RNF11: variants seen among roughly 807,000 people sequenced by gnomAD.
The protein encoded by RNF11 is ring finger protein 11.
Under a neutral mutation model 15.8 loss-of-function variants are expected in RNF11, and 4 were observed. The ratio of observed to expected loss-of-function variants is 0.25; its 90% confidence interval spans 0.12 to 0.58. The LOEUF (loss-of-function observed/expected upper bound fraction) is 0.58. Ranked by LOEUF, RNF11 falls within the 20% of genes least tolerant of loss-of-function variation. The pLI is 0.91. For missense variants in RNF11, 139 were observed against 194.4 expected (o/e 0.71, Z 1.70); for synonymous variants, 68 against 72.3 (o/e 0.94, Z 0.30).
At chr1:51,261,025 A>G (rs139904237) in intron 1 of RNF11, among the ~76,000 whole-genome samples, 2 of 152,272 alleles carry the variant, frequency 1.3e-5, no homozygotes, top group African/African-American at 4.8e-5. Context: ...TGTTGATGTA[A>G]GCTTATCATT....
At chr1:51,238,700 T>A (rs1234860581) in intron 1 of RNF11, among the ~76,000 whole-genome samples, 1 of 152,156 alleles carries the variant, frequency 6.6e-6, no homozygotes, top group Non-Finnish European at 1.5e-5. Flanking sequence ...TTCCCTCCTA[T>A]GTTTACTATA....
intron 1 of RNF11, among the ~76,000 whole-genome samples, chr1:51,255,427 T>C (rs1321278038): frequency 6.6e-6 from 1 of 152,164 alleles, no homozygotes; most frequent in East Asian, 1.9e-4. Context: ...ACCTGGCTAA[T>C]TTTTGTCTTT....
chr1:51,266,312 T>C (rs1482691392), intron 1 of RNF11, among the ~76,000 whole-genome samples: 1 of 152,204 alleles, frequency 6.6e-6, no homozygotes, highest in Admixed American at 6.5e-5. Context: ...ACAACCCAGG[T>C]ATTTTCACTT....
intron 1 of RNF11, among the ~76,000 whole-genome samples, chr1:51,252,930 G>A (rs1018087364): frequency 6.6e-6 from 1 of 151,510 alleles, no homozygotes; most frequent in Admixed American, 6.6e-5. Context: ...AGGTTCAAGC[G>A]ATTCTCCTGC....
chr1:51,251,335 C>T (rs573552065), intron 1 of RNF11: 26 of 1,517,368 alleles, frequency 1.7e-5, no homozygotes, highest in Middle Eastern at 2.3e-4. Flanking sequence ...CCGCGAGCTC[C>T]GCGGCCTCGG....
chr1:51,249,490 C>G (rs528008043), intron 1 of RNF11, among the ~76,000 whole-genome samples: 1 of 152,162 alleles, frequency 6.6e-6, no homozygotes, highest in African/African-American at 2.4e-5. Context: ...CCTCCTGCCC[C>G]CTCCAACAGT....
chr1:51,269,928 C>A, intron 1 of RNF11, 28 bp from the exon 2 acceptor site: 2 of 1,587,148 alleles, frequency 1.3e-6, no homozygotes, highest in Non-Finnish European at 1.7e-6. Context: ...AAAAAATAAT[C>A]TTTTTCCTCT....
chr1:51,243,604 A>G (rs1308238103), intron 1 of RNF11, among the ~76,000 whole-genome samples: 1 of 151,936 alleles, frequency 6.6e-6, no homozygotes, highest in Admixed American at 6.6e-5. Context: ...ACACCCAGCT[A>G]ATTTTTGTAT....
intron 1 of RNF11, among the ~76,000 whole-genome samples, chr1:51,264,214 T>G (rs1646942573): frequency 7.4e-6 from 1 of 135,274 alleles, no homozygotes; most frequent in Admixed American, 8.2e-5. Context: ...GAGCCAAGAT[T>G]GTGCCACTGC....
chr1:51,263,972 G>A (rs1167841048), intron 1 of RNF11, among the ~76,000 whole-genome samples: 1 of 151,998 alleles, frequency 6.6e-6, no homozygotes, highest in East Asian at 1.9e-4. Flanking sequence ...TGCTTTTTAA[G>A]GCTAGGCTTG....
In RNF11 at chr1:51,271,336, A is replaced by G. The variant is rs756661289; in HGVS notation, c.*14A>G. ...GAGACTAATTGAGCCAGGGTCTCTT[A>G]TCTGACTTCAAGTGAACCACCATTT... On this transcript the variant is annotated 3_prime_UTR_variant, in exon 3 of 3. Transcript: ENST00000242719. 7 of 1,600,412 alleles carry G rather than the reference A, an allele frequency of 4.4e-6. No individual in the cohort carries two copies. Among genetic ancestry groups the G allele is most frequent in the Non-Finnish European group, 6.0e-6 (7 of 1,170,772 alleles).
intron 1 of RNF11, among the ~76,000 whole-genome samples, chr1:51,252,673 C>T (rs1646885186): frequency 6.6e-6 from 1 of 152,062 alleles, no homozygotes; most frequent in Non-Finnish European, 1.5e-5. Flanking sequence ...AGACCCCTAA[C>T]CCCCATGTTC....
chr1:51,253,215 T>C (rs1290605938), intron 1 of RNF11, among the ~76,000 whole-genome samples: 1 of 152,128 alleles, frequency 6.6e-6, no homozygotes, highest in African/African-American at 2.4e-5. Flanking sequence ...GAATGGTAAT[T>C]GTTCTCTGCA....
chr1:51,248,097 T>A (rs1646860497), intron 1 of RNF11, among the ~76,000 whole-genome samples: 1 of 109,354 alleles, frequency 9.1e-6, no homozygotes, highest in Admixed American at 8.2e-5. Context: ...TAGTTTCTTC[T>A]TTTTTTTTTT....
intron 2 of RNF11, 62 bp from the exon 3 acceptor site, chr1:51,271,089 G>T (rs1646975840): frequency 7.3e-7 from 1 of 1,369,228 alleles, no homozygotes; most frequent in Non-Finnish European, 1.0e-6. Context: ...GGGATTTAAA[G>T]AGTTTTCTGA....
intron 1 of RNF11, chr1:51,250,561 TACGCTTAATTCGC>T: frequency 3.4e-6 from 2 of 585,626 alleles, no homozygotes; most frequent in South Asian, 2.2e-5. Flanking sequence ...TTTTTTTTTT[TACGCTTAATTCGC>T]TTTATTTTCC....
At chr1:51,240,741 G>T (rs1646825636) in intron 1 of RNF11, among the ~76,000 whole-genome samples, 1 of 151,296 alleles carries the variant, frequency 6.6e-6, no homozygotes, top group South Asian at 2.1e-4. Context: ...TGTAGATCAG[G>T]TTTTTTTTTG....
At chr1:51,270,303 T>TGC (rs1646972341) in intron 2 of RNF11, among the ~76,000 whole-genome samples, 178 bp downstream of exon 2, 1 of 152,168 alleles carries the variant, frequency 6.6e-6, no homozygotes. Flanking sequence ...AGCAAGAGAA[T>TGC]GTTATGTAGT....
chr1:51,269,178 A>G (rs1029506686), intron 1 of RNF11, among the ~76,000 whole-genome samples: 12 of 152,200 alleles, frequency 7.9e-5, no homozygotes, highest in Middle Eastern at 3.2e-3. Context: ...GGATTCTGCA[A>G]AGGTAACCAA....
Sources: gnomAD v4.1 joint callset for allele counts (sites outside exome capture counted in the v4.1 genomes callset) on GRCh38, gnomAD v4.1.1 for gene constraint, MANE v1.5 for transcripts, NCBI Gene and HGNC (gene_info 2026-07-23, HGNC 2026-07-21) for gene names.